The following TOR1AIP1 variants were observed in gnomAD, a reference collection of about 807,000 sequenced individuals.
The protein encoded by TOR1AIP1 is torsin 1A interacting protein 1.
TOR1AIP1 carries 54 observed loss-of-function variants against 63.3 expected under a neutral mutation model. The ratio of observed to expected loss-of-function variants is 0.85; its 90% CI spans 0.69 to 1.07. The LOEUF (loss-of-function observed/expected upper bound fraction) is 1.07. TOR1AIP1 is among the 50% of genes least tolerant of loss of function. TOR1AIP1 has a pLI of 0.00. For missense variants in TOR1AIP1, 736 were observed against 715.0 expected (o/e 1.03, Z -0.33); for synonymous variants, 294 against 273.5 (o/e 1.07, Z -0.74).
At chr1:179,908,549 T>C (rs1352045976) in intron 7 of TOR1AIP1, 56 bp from the exon 8 acceptor site, 1 of 1,381,264 alleles carries the variant, frequency 7.2e-7, no homozygotes, top group Admixed American at 1.9e-5. Flanking sequence ...CACTGGAATA[T>C]GGTATAAACT....
chr1:179,882,333 T>G lies in TOR1AIP1; in HGVS notation c.-170T>G, dbSNP rs1016908291. The G allele has an allele frequency of 3.5e-6, 2 of 571,238 alleles. No individual in the cohort carries two copies. The allele number at this position is 571,238 out of a possible 1,614,324, so 35.4% of individuals were successfully genotyped here. ...GACACACCATGGGCCCAGAGGCAGG[T>G]TTGCTACACAGCAGCGACGACGCAG... On this transcript the variant is annotated 5_prime_UTR_variant, in exon 1 of 10. Coordinates refer to ENST00000606911, the MANE Select transcript of TOR1AIP1 (RefSeq NM_015602.4).
intron 3 of TOR1AIP1, among the ~76,000 whole-genome samples, chr1:179,893,074 C>T (rs1038673490): frequency 1.3e-5 from 2 of 151,990 alleles, no homozygotes; most frequent in African/African-American, 2.4e-5. Context: ...AACCCTGTCT[C>T]TACTAAAAAT....
chr1:179,913,213 C>A (rs1040042949), intron 8 of TOR1AIP1, among the ~76,000 whole-genome samples: 1 of 151,592 alleles, frequency 6.6e-6, no homozygotes. Context: ...GTCCTGTCAC[C>A]TCAGCCTCTT....
chr1:179,882,348 C>G lies in TOR1AIP1; in HGVS notation c.-155C>G. On this transcript the variant is annotated 5_prime_UTR_variant, in exon 1 of 10. Transcript: ENST00000606911. ...CAGAGGCAGGTTTGCTACACAGCAGCGACGACGCAGGCGGCGGCCCCAGCG... is the reference window on the plus strand; with the variant it reads ...CAGAGGCAGGTTTGCTACACAGCAGGGACGACGCAGGCGGCGGCCCCAGCG... 2.9e-6 allele frequency: 2 copies of G among 697,112 alleles called. No homozygotes were observed. The highest frequency in any genetic ancestry group is 3.1e-5 in the East Asian group (1 of 31,824). 43.2% of individuals were successfully genotyped at this position (697,112 alleles called of 1,614,324 possible).
chr1:179,897,387 A>G (rs1648321487), intron 3 of TOR1AIP1, among the ~76,000 whole-genome samples: 1 of 152,252 alleles, frequency 6.6e-6, no homozygotes, highest in South Asian at 2.1e-4. Context: ...TGGTATATGG[A>G]GAAATGACTG....
At chr1:179,913,057 G>T (rs1648889199) in intron 8 of TOR1AIP1, among the ~76,000 whole-genome samples, 3 of 151,902 alleles carry the variant, frequency 2.0e-5, no homozygotes, top group Admixed American at 1.3e-4. Flanking sequence ...TTTAAAACCT[G>T]CTGGTATGCT....
In TOR1AIP1 at chr1:179,918,293, TCTAACCAGAGAC is replaced by T. The variant is rs1458745522; in HGVS notation, c.*55_*66del. On this transcript the variant is annotated 3_prime_UTR_variant, in exon 10 of 10. Transcript: ENST00000606911. ...CAAGTTCTGAGAATTGTTCACACTTTCTAACCAGAGACAGAATTCAGAGCTCTTTTTGAAAGA... is the reference window on the plus strand; with the variant it reads ...CAAGTTCTGAGAATTGTTCACACTTTAGAATTCAGAGCTCTTTTTGAAAGA... 5.3e-6 allele frequency: 8 copies of T among 1,498,412 alleles called. No individual in the cohort carries two copies. In the Admixed American group the frequency reaches 1.8e-4, roughly 34 times the overall value. 92.8% of individuals were successfully genotyped at this position (1,498,412 alleles called of 1,614,324 possible).
In TOR1AIP1 at chr1:179,884,859, A is replaced by C. The variant is rs1647867733; in HGVS notation, c.553+90A>C. ...AACAATGTAAGTATGTGTAAAGAAA[A>C]GACAAGGGCAGACACGTGAGTACTC... is the stretch of plus-strand genomic sequence containing the variant. On this transcript the variant is annotated intron_variant, in intron 2 of 9. Transcript: ENST00000606911. 3.2e-6 allele frequency: 3 copies of C among 949,534 alleles called. No homozygotes were observed. The South Asian group carries it at 5.1e-5, about 16-fold the overall frequency. 58.8% of individuals were successfully genotyped at this position (949,534 alleles called of 1,614,324 possible). A position where few individuals can be genotyped will look rare whatever the true frequency, so the allele number is the denominator to read the frequency against.
intron 3 of TOR1AIP1, 74 bp downstream of exon 3, chr1:179,889,443 A>G: frequency 1.6e-6 from 2 of 1,255,158 alleles, no homozygotes; most frequent in South Asian, 2.8e-5. Context: ...TTGTACATGT[A>G]TTCATATGAT....
chr1:179,884,884 C>A, intron 2 of TOR1AIP1, 115 bp downstream of exon 2: 1 of 696,412 alleles, frequency 1.4e-6, no homozygotes, highest in Non-Finnish European at 2.3e-6. Context: ...CGTGAGTACT[C>A]AAGAGTACCA....
In TOR1AIP1 at chr1:179,917,975, T is replaced by G. The variant is rs1649076165; in HGVS notation, c.1488T>G (p.Cys496Trp). The G allele has an allele frequency of 6.2e-7, 1 of 1,614,248 alleles. No individual in the cohort carries two copies. Among genetic ancestry groups the G allele is most frequent in the Non-Finnish European group, 8.5e-7 (1 of 1,180,048 alleles). ...AGSTLIFYKY[C>W]DHENAAFKDV... Reference sequence around the variant, plus strand: ...CTACTTTGATCTTCTACAAATATTGTGACCATGAAAACGCGGCCTTCAAAG... The same window carrying G: ...CTACTTTGATCTTCTACAAATATTGGGACCATGAAAACGCGGCCTTCAAAG... The change falls in exon 10 of 10, where the codon TGT becomes TGG. Residue 496 changes from cysteine to tryptophan, a missense_variant. This residue lies in a region of TOR1AIP1 where 272 missense variants were observed against 344.1 expected (regional missense o/e 0.79). Coordinates refer to ENST00000606911, the MANE Select transcript of TOR1AIP1 (RefSeq NM_015602.4).
chr1:179,907,859 T>A lies in TOR1AIP1; in HGVS notation c.833T>A (p.Val278Glu). The change falls in exon 7 of 10, where the codon GTG (valine) becomes GAG (glutamate). Residue 278 changes from valine (V) to glutamate (E), a missense_variant. By Grantham distance (121) the Val-to-Glu change is moderately radical. Coordinates refer to ENST00000606911, the MANE Select transcript of TOR1AIP1 (RefSeq NM_015602.4). ...ACAGCTCATGATAAGCAACCTTCAG[T>A]GCTAAGTAAGTAGTTGGTTGTCTGC... ...NFTAHDKQPS[V>E]LSSGYQKTPQ... 6.3e-7 allele frequency: 1 copy of A among 1,579,050 alleles called. No homozygotes were observed. The highest frequency in any genetic ancestry group is 8.6e-7 in the Non-Finnish European group (1 of 1,161,214).
chr1:179,888,490 G>A (rs551495277), intron 2 of TOR1AIP1, among the ~76,000 whole-genome samples: 22 of 152,236 alleles, frequency 1.4e-4, no homozygotes, highest in African/African-American at 4.3e-4. Context: ...TAAAGATATC[G>A]ATATAAGTTC....
intron 3 of TOR1AIP1, among the ~76,000 whole-genome samples, chr1:179,894,544 CA>C (rs1450074329): frequency 6.6e-6 from 1 of 151,604 alleles, no homozygotes; most frequent in Non-Finnish European, 1.5e-5. Flanking sequence ...AAAAATTAGC[CA>C]ATTGTGGTGG....
At chr1:179,890,765 A>G (rs1648051597) in intron 3 of TOR1AIP1, among the ~76,000 whole-genome samples, 1 of 152,068 alleles carries the variant, frequency 6.6e-6, no homozygotes, top group Admixed American at 6.6e-5. Flanking sequence ...AACTACAGTC[A>G]TGCATCACCA....
At chr1:179,890,975 G>A (rs77169178) in intron 3 of TOR1AIP1, among the ~76,000 whole-genome samples, 2,856 of 152,186 alleles carry the variant, frequency 0.019, 106 homozygotes, top group African/African-American at 0.065. Flanking sequence ...GAATACAAGA[G>A]TATATATATC....
chr1:179,916,454 A>G (rs1303527024), intron 9 of TOR1AIP1, among the ~76,000 whole-genome samples: 1 of 152,224 alleles, frequency 6.6e-6, no homozygotes, highest in Non-Finnish European at 1.5e-5. Context: ...AAAGATGTAA[A>G]AGTATTATTG....
chr1:179,895,148 T>C (rs1422919494), intron 3 of TOR1AIP1, among the ~76,000 whole-genome samples: 1 of 152,234 alleles, frequency 6.6e-6, no homozygotes, highest in Non-Finnish European at 1.5e-5. Flanking sequence ...TATAACACCT[T>C]CTTAAACAGC....
At position 179,882,679 on chromosome 1, in the gene TOR1AIP1, C is replaced by A. The variant is rs1553240735; in HGVS notation, c.177C>A (p.Phe59Leu). The A allele has an allele frequency of 2.5e-6, 4 of 1,602,326 alleles. No individual in the cohort carries two copies. In the Admixed American group the frequency reaches 5.1e-5, roughly 21 times the overall value. The change falls in exon 1 of 10, where the codon TTC becomes TTA. Residue 59 changes from phenylalanine to leucine, a missense_variant. Coordinates refer to ENST00000606911, the MANE Select transcript of TOR1AIP1 (RefSeq NM_015602.4). Reference protein sequence around the residue: ...PSRQGRREVRFSDEPPEVYGD... With the variant: ...PSRQGRREVRLSDEPPEVYGD... ...GCCAGGGCCGGCGGGAAGTGAGGTT[C>A]TCGGACGAGCCGCCAGAAGTGTACG...
Sources: gnomAD v4.1 joint callset for allele counts (sites outside exome capture counted in the v4.1 genomes callset) on GRCh38, gnomAD v4.1.1 for gene constraint, gnomAD v4.1.1 regional missense constraint, MANE v1.5 for transcripts, NCBI Gene and HGNC (gene_info 2026-07-23, HGNC 2026-07-21) for gene names.